CFAP299: variants seen among roughly 807,000 people sequenced by gnomAD.
CFAP299 encodes the protein cilia- and flagella-associated protein 299.
CFAP299 carries 21 observed loss-of-function variants against 27.0 expected under a neutral mutation model. The observed-to-expected ratio is 0.78, with a 90% CI of 0.55 to 1.12. The LOEUF is 1.12. CFAP299 is among the 50% of genes most tolerant of loss of function. CFAP299 has a pLI of 0.00. For synonymous variants in CFAP299, 104 were observed against 98.1 expected, an observed-to-expected ratio of 1.06 and a Z score of -0.36; for missense variants, 310 against 276.6, an observed-to-expected ratio of 1.12 and a Z score of -0.86.
intron 5 of CFAP299, among the ~76,000 whole-genome samples, chr4:80,949,223 T>C (rs1373721191): frequency 6.6e-6 from 1 of 151,962 alleles, no homozygotes; most frequent in Non-Finnish European, 1.5e-5. Context: ...CATGGGGAGG[T>C]GAAGATGAGC....
intron 3 of CFAP299, among the ~76,000 whole-genome samples, chr4:80,862,234 G>T (rs1156619817): frequency 6.6e-6 from 1 of 152,076 alleles, no homozygotes. Context: ...GCTTGGAGCA[G>T]TGGCGTGTGC....
intron 3 of CFAP299, among the ~76,000 whole-genome samples, chr4:80,779,093 T>G (rs1726724683): frequency 6.6e-6 from 1 of 152,046 alleles, no homozygotes; most frequent in Non-Finnish European, 1.5e-5. Context: ...CACCATTATC[T>G]CCATTTTATA....
chr4:80,516,194 T>A (rs2110169241), intron 2 of CFAP299, among the ~76,000 whole-genome samples: 1 of 151,996 alleles, frequency 6.6e-6, no homozygotes. Context: ...CTAATGTTTG[T>A]ATTTTTAGTA....
intron 2 of CFAP299, among the ~76,000 whole-genome samples, chr4:80,487,121 C>T (rs1469260178): frequency 1.3e-5 from 2 of 152,168 alleles, no homozygotes; most frequent in African/African-American, 4.8e-5. Flanking sequence ...TGATTCAACT[C>T]CTTTAACCTT....
At chr4:80,798,297 G>A (rs1272273674) in intron 3 of CFAP299, among the ~76,000 whole-genome samples, 1 of 152,030 alleles carries the variant, frequency 6.6e-6, no homozygotes, top group East Asian at 1.9e-4. Flanking sequence ...AGGCAGTACA[G>A]GGTTTATCTC....
intron 3 of CFAP299, among the ~76,000 whole-genome samples, chr4:80,811,035 C>T (rs1236254176): frequency 1.3e-5 from 2 of 152,090 alleles, no homozygotes; most frequent in Non-Finnish European, 2.9e-5. Flanking sequence ...CTTGACCCTA[C>T]ACAGTTTATA....
intron 4 of CFAP299, among the ~76,000 whole-genome samples, chr4:80,895,123 A>G (rs995318035): frequency 3.9e-5 from 6 of 151,910 alleles, no homozygotes; most frequent in East Asian, 1.9e-4. Flanking sequence ...ACAATACCCT[A>G]TTATATACTT....
At chr4:80,458,188 G>A (rs537651654) in intron 2 of CFAP299, among the ~76,000 whole-genome samples, 26 of 152,176 alleles carry the variant, frequency 1.7e-4, no homozygotes, top group Middle Eastern at 6.8e-3. Flanking sequence ...ACAAATGGGC[G>A]CCCCCAAAAT....
chr4:80,424,238 C>G (rs1727431206), intron 2 of CFAP299, among the ~76,000 whole-genome samples: 1 of 152,148 alleles, frequency 6.6e-6, no homozygotes, highest in Non-Finnish European at 1.5e-5. Context: ...CTTAACCTTC[C>G]CACGTGGTGG....
chr4:80,870,607 T>C, intron 4 of CFAP299: 1 of 986,106 alleles, frequency 1.0e-6, no homozygotes, highest in Non-Finnish European at 1.2e-6. Context: ...TTACTACCAA[T>C]GCTTGCCTTT....
At chr4:80,543,373 C>T (rs983093162) in intron 2 of CFAP299, among the ~76,000 whole-genome samples, 7 of 152,132 alleles carry the variant, frequency 4.6e-5, no homozygotes, top group Non-Finnish European at 4.4e-5. Context: ...ATGGCTAAAA[C>T]GTCAGACACA....
intron 2 of CFAP299, among the ~76,000 whole-genome samples, chr4:80,559,085 G>T (rs1032827967): frequency 1.3e-5 from 2 of 152,076 alleles, no homozygotes; most frequent in African/African-American, 4.8e-5. Flanking sequence ...TGCTCCATGT[G>T]GTATCTGTTA....
At chr4:80,364,851 T>C (rs994082173) in intron 2 of CFAP299, among the ~76,000 whole-genome samples, 1 of 152,224 alleles carries the variant, frequency 6.6e-6, no homozygotes, top group African/African-American at 2.4e-5. Flanking sequence ...GGTGAGAACA[T>C]GCAGTGTTTG....
At chr4:80,572,507 G>GTTTTTTTTTT (rs550414533) in intron 2 of CFAP299, among the ~76,000 whole-genome samples, 467 of 36,392 alleles carry the variant, frequency 0.013, 141 homozygotes, top group Middle Eastern at 0.042. Context: ...CTGGATCCCA[G>GTTTTTTTTTT]TTTTTTTTTT....
At chr4:80,834,449 A>G (rs888139276) in intron 3 of CFAP299, among the ~76,000 whole-genome samples, 2 of 152,218 alleles carry the variant, frequency 1.3e-5, no homozygotes, top group South Asian at 4.1e-4. Flanking sequence ...TATCAATGTT[A>G]CAACATCTAT....
chr4:80,329,208 C>CATATAT, the CFAP299 span, among the ~76,000 whole-genome samples: 17,165 of 135,686 alleles, frequency 0.13, 1,257 homozygotes, highest in Admixed American at 0.18. Context: ...ACACTGTATA[C>CATATAT]ATATATATAT....
intron 2 of CFAP299, among the ~76,000 whole-genome samples, chr4:80,527,259 A>G (rs1377247156): frequency 6.6e-6 from 1 of 152,124 alleles, no homozygotes; most frequent in Non-Finnish European, 1.5e-5. Flanking sequence ...ATCTTAACAG[A>G]AACATTTGTT....
At chr4:80,585,742 T>C (rs762458946) in intron 3 of CFAP299, among the ~76,000 whole-genome samples, 9 of 152,034 alleles carry the variant, frequency 5.9e-5, no homozygotes, top group Non-Finnish European at 1.3e-4. Context: ...TCCATAGAGA[T>C]AGGGAATGAT....
rs796835670 is a variant in CFAP299 at position 80,673,613 on chromosome 4, G to T, written c.333+90430G>T. ...TTGATCTGTCTAATATTGACAGTGG[G>T]GTGTTAAAGTCTCCCATTATTATTG... is the stretch of plus-strand genomic sequence containing the variant. On this transcript the variant is annotated intron_variant, in intron 3 of 5. Transcript: ENST00000358105. Among the ~76,000 whole-genome samples, 9 of 152,144 alleles carry T rather than the reference G, an allele frequency of 5.9e-5. 1 individual carries two copies. The highest frequency in any genetic ancestry group is 2.2e-4 in the African/African-American group (9 of 41,518).
Sources: gnomAD v4.1 joint callset for allele counts (sites outside exome capture counted in the v4.1 genomes callset) on GRCh38, gnomAD v4.1.1 for gene constraint, MANE v1.5 for transcripts, NCBI Gene and HGNC (gene_info 2026-07-23, HGNC 2026-07-21) for gene names.